Variants in TMTC2 observed in about 807,000 individuals in gnomAD.
TMTC2 encodes the protein transmembrane O-mannosyltransferase targeting cadherins 2, also known as protein O-mannosyl-transferase TMTC2.
A neutral mutation model predicts 82.4 loss-of-function variants in TMTC2; 43 were observed. That is an observed-to-expected ratio of 0.52 (90% confidence interval 0.41 to 0.67). The LOEUF is 0.67. Ranked by LOEUF, TMTC2 falls within the 30% of genes least tolerant of loss-of-function variation. The probability of loss-of-function intolerance (pLI) is 0.00; values close to 1 mark genes in which losing one functional copy is unlikely to be tolerated. For synonymous variants in TMTC2, 408 were observed against 381.9 expected (o/e 1.07, Z -0.80); for missense variants, 919 against 1,012.4 (o/e 0.91, Z 1.25).
rs1565815040 is a variant in TMTC2 at position 82,931,185 on chromosome 12, A to AG, written c.1598+642dup. On this transcript the variant is annotated intron_variant, in intron 4 of 11. Coordinates refer to ENST00000321196, the MANE Select transcript of TMTC2 (RefSeq NM_152588.3). ...TCACACTGCAAAGTGCTGGGATTAT[A>AG]GGTGTGAACCACTGTGCCCAGCCTT... is the stretch of plus-strand genomic sequence containing the variant. Among the ~76,000 whole-genome samples, 3 of 152,282 alleles carry AG rather than the reference A, an allele frequency of 2.0e-5. No homozygotes were observed. The East Asian group carries it at 5.8e-4, about 29-fold the overall frequency.
intron 11 of TMTC2, among the ~76,000 whole-genome samples, chr12:83,105,077 G>A (rs1884349755): frequency 1.3e-5 from 2 of 152,084 alleles, no homozygotes; most frequent in South Asian, 4.1e-4. Context: ...TCATAACAAT[G>A]GTGACCTTTG....
chr12:82,809,403 CTGAA>C (rs1879387441), intron 1 of TMTC2, among the ~76,000 whole-genome samples: 2 of 151,948 alleles, frequency 1.3e-5, no homozygotes, highest in Non-Finnish European at 2.9e-5. Flanking sequence ...ATACAGAAGA[CTGAA>C]TGCTTAAGTC....
At chr12:82,696,972 A>G (rs765551712) in intron 1 of TMTC2, among the ~76,000 whole-genome samples, 132 of 150,862 alleles carry the variant, frequency 8.7e-4, no homozygotes, top group Middle Eastern at 3.4e-3. Flanking sequence ...ACGTATATAT[A>G]TATATATATA....
At chr12:83,065,657 A>G (rs1882893194) in intron 11 of TMTC2, among the ~76,000 whole-genome samples, 1 of 151,848 alleles carries the variant, frequency 6.6e-6, no homozygotes, top group Non-Finnish European at 1.5e-5. Context: ...TTTTAAATAA[A>G]TTGACCTTTC....
intron 3 of TMTC2, among the ~76,000 whole-genome samples, chr12:82,906,331 A>C (rs1874304894): frequency 6.6e-6 from 1 of 152,146 alleles, no homozygotes; most frequent in South Asian, 2.1e-4. Context: ...GGAAGATAAA[A>C]ATTTTTCAAC....
At position 82,964,519 on chromosome 12, in the gene TMTC2, G is replaced by A. The variant is rs1045684521; in HGVS notation, c.1599-505G>A. On this transcript the variant is annotated intron_variant, in intron 4 of 11. Transcript: ENST00000321196. ...TTTTTTGTTGTTGTTCTTTTTTGGC[G>A]TCTGATTAAACTGTGACTCTCTTTT... Among the ~76,000 whole-genome samples the A allele has an allele frequency of 3.3e-5, 5 of 152,022 alleles. 1 individual carries two copies. Among genetic ancestry groups the A allele is most frequent in the South Asian group, 4.1e-4 (2 of 4,832 alleles).
chr12:82,765,195 T>C (rs1256793996), intron 1 of TMTC2, among the ~76,000 whole-genome samples: 2 of 152,200 alleles, frequency 1.3e-5, no homozygotes, highest in Non-Finnish European at 2.9e-5. Flanking sequence ...CATTTCCCTT[T>C]GGCTTAATGA....
chr12:82,874,001 C>T (rs988107987), intron 2 of TMTC2, among the ~76,000 whole-genome samples: 7 of 152,224 alleles, frequency 4.6e-5, no homozygotes, highest in East Asian at 1.9e-4. Flanking sequence ...TATGGGGGAA[C>T]GATTCTATAA....
At chr12:82,798,502 A>AAAT (rs1412856823) in intron 1 of TMTC2, among the ~76,000 whole-genome samples, 1 of 148,376 alleles carries the variant, frequency 6.7e-6, no homozygotes, top group African/African-American at 2.5e-5. Flanking sequence ...TCTCAAAAAA[A>AAAT]AAAAAAAAGA....
At chr12:82,785,860 A>G (rs1878155287) in intron 1 of TMTC2, among the ~76,000 whole-genome samples, 1 of 152,150 alleles carries the variant, frequency 6.6e-6, no homozygotes, top group Non-Finnish European at 1.5e-5. Flanking sequence ...TTTGTTAAAT[A>G]GCTGCTAAAT....
intron 1 of TMTC2, among the ~76,000 whole-genome samples, chr12:82,782,812 T>C (rs1371399217): frequency 1.3e-5 from 2 of 152,204 alleles, no homozygotes; most frequent in African/African-American, 2.4e-5. Flanking sequence ...CACAGTGCCT[T>C]TGAGTTACTT....
intron 2 of TMTC2, among the ~76,000 whole-genome samples, chr12:82,873,213 TTGTGTGTGTGTGTGTGTG>T (rs35177760): frequency 1.4e-5 from 2 of 143,636 alleles, no homozygotes; most frequent in South Asian, 2.3e-4. Context: ...TTCAAAGATG[TTGTGTGTGTGTGTGTGTG>T]TGTGTGTGTG....
intron 1 of TMTC2, among the ~76,000 whole-genome samples, chr12:82,769,301 C>G (rs1214227008): frequency 6.6e-6 from 1 of 151,584 alleles, no homozygotes; most frequent in Non-Finnish European, 1.5e-5. Context: ...AGTGAAACCC[C>G]TGTCTCTACT....
At chr12:82,836,656 T>C (rs1335966718) in intron 1 of TMTC2, among the ~76,000 whole-genome samples, 2 of 152,150 alleles carry the variant, frequency 1.3e-5, no homozygotes, top group Non-Finnish European at 1.5e-5. Context: ...AGAATAGAAA[T>C]ATAATAAATT....
chr12:82,758,305 T>G (rs1352981796), intron 1 of TMTC2, among the ~76,000 whole-genome samples: 15 of 152,150 alleles, frequency 9.9e-5, no homozygotes, highest in Non-Finnish European at 2.9e-5. Context: ...CTCCTGTCAT[T>G]TGCTTTTTAA....
At chr12:82,911,146 T>C (rs1592620977) in intron 3 of TMTC2, among the ~76,000 whole-genome samples, 1 of 152,028 alleles carries the variant, frequency 6.6e-6, no homozygotes, top group Admixed American at 6.5e-5. Context: ...TCCCAAAGTG[T>C]TGGGATTGCA....
intron 11 of TMTC2, among the ~76,000 whole-genome samples, chr12:83,086,630 C>T (rs1883669796): frequency 6.6e-6 from 1 of 152,070 alleles, no homozygotes; most frequent in Admixed American, 6.5e-5. Context: ...GCAAATATCA[C>T]AACAGAGTCA....
rs1271920285 is a variant in TMTC2 at position 82,719,059 on chromosome 12, TTATATATATA to T, written c.83+31408_83+31417del. Among the ~76,000 whole-genome samples the T allele has an allele frequency of 2.3e-4, 22 of 94,438 alleles. No individual in the cohort carries two copies. The Admixed American group carries it at 2.7e-3, about 12-fold the overall frequency. The allele number at this position is 94,438 out of a possible 152,430, so 62.0% of individuals were successfully genotyped here. ...TACAATTCTACAGCTTTAGATGATT[TTATATATATA>T]TATATATATATATATATTTTTTTTT... On this transcript the variant is annotated intron_variant, in intron 1 of 11. Transcript: ENST00000321196.
intron 1 of TMTC2, among the ~76,000 whole-genome samples, chr12:82,847,993 A>G (rs1464329066): frequency 6.6e-6 from 1 of 152,148 alleles, no homozygotes; most frequent in Non-Finnish European, 1.5e-5. Flanking sequence ...ATTGAGTACT[A>G]TGTATGTTAG....
Sources: allele counts gnomAD v4.1 joint callset (sites outside exome capture counted in the v4.1 genomes callset), GRCh38; gene constraint gnomAD v4.1.1; transcripts MANE v1.5; gene names NCBI Gene and HGNC (gene_info 2026-07-23, HGNC 2026-07-21).